The following BCAS3 variants were observed in gnomAD, a reference collection of about 807,000 sequenced individuals.
BCAS3 encodes the protein BCAS3 microtubule associated cell migration factor, also known as BCAS4/BCAS3 fusion.
Under a neutral mutation model 116.1 loss-of-function variants are expected in BCAS3, and 53 were observed. The observed-to-expected ratio is 0.46, with a 90% CI of 0.37 to 0.57. The LOEUF is 0.57. BCAS3 is among the 20% of genes least tolerant of loss of function. The pLI, the probability that BCAS3 is intolerant of heterozygous loss-of-function variation, is 0.00. For missense variants in BCAS3, 917 were observed against 1,165.4 expected (o/e 0.79, Z 3.10); for synonymous variants, 391 against 408.2 (o/e 0.96, Z 0.51).
intron 6 of BCAS3, among the ~76,000 whole-genome samples, chr17:60,805,080 C>T (rs2048149322): frequency 1.3e-5 from 2 of 151,394 alleles, no homozygotes; most frequent in South Asian, 4.2e-4. Flanking sequence ...CACACACTCA[C>T]ACAATTTTAA....
At chr17:61,330,157 G>A (rs186742870) in intron 22 of BCAS3, among the ~76,000 whole-genome samples, 1 of 152,188 alleles carries the variant, frequency 6.6e-6, no homozygotes, top group Non-Finnish European at 1.5e-5. Flanking sequence ...CTGAGAGAAG[G>A]GCTAAGAGTA....
At chr17:60,786,571 A>ATATATATATATATAT (rs34629256) in intron 6 of BCAS3, among the ~76,000 whole-genome samples, 7 of 149,648 alleles carry the variant, frequency 4.7e-5, no homozygotes, top group African/African-American at 1.7e-4. Context: ...ATATATATAT[A>ATATATATATATATAT]AAATGTGTCA....
At chr17:60,926,464 A>G (rs919453033) in intron 13 of BCAS3, among the ~76,000 whole-genome samples, 5 of 152,214 alleles carry the variant, frequency 3.3e-5, no homozygotes, top group African/African-American at 9.6e-5. Context: ...TAAATAATCT[A>G]CCCTCTAATA....
At chr17:61,312,971 A>G (rs2054440585) in intron 22 of BCAS3, among the ~76,000 whole-genome samples, 2 of 152,240 alleles carry the variant, frequency 1.3e-5, no homozygotes, top group Non-Finnish European at 2.9e-5. Context: ...TGTGTCTCCA[A>G]GCACTGCCAG....
intron 22 of BCAS3, among the ~76,000 whole-genome samples, chr17:61,314,393 G>A (rs765246129): frequency 4.6e-5 from 7 of 152,322 alleles, no homozygotes; most frequent in Non-Finnish European, 8.8e-5. Flanking sequence ...AAAGGGAACC[G>A]CAGAATCCCG....
intron 22 of BCAS3, among the ~76,000 whole-genome samples, chr17:61,209,199 C>A (rs1414091077): frequency 2.0e-5 from 3 of 146,628 alleles, no homozygotes; most frequent in African/African-American, 7.5e-5. Context: ...AAAAAAAAAT[C>A]TTGTTCTGAT....
intron 6 of BCAS3, among the ~76,000 whole-genome samples, chr17:60,777,595 C>T (rs1247532587): frequency 6.6e-6 from 1 of 152,042 alleles, no homozygotes; most frequent in East Asian, 1.9e-4. Flanking sequence ...CAGTGCACTC[C>T]AGCCTGGGTG....
chr17:61,024,142 T>C (rs1208333373), intron 16 of BCAS3, among the ~76,000 whole-genome samples: 1 of 152,196 alleles, frequency 6.6e-6, no homozygotes, highest in African/African-American at 2.4e-5. Context: ...TTTGTGACTT[T>C]ATATTTTCAT....
At chr17:61,174,921 GAAGTA>G (rs1331843101) in intron 22 of BCAS3, among the ~76,000 whole-genome samples, 1 of 152,168 alleles carries the variant, frequency 6.6e-6, no homozygotes, top group Non-Finnish European at 1.5e-5. Flanking sequence ...GGCCTCAGTG[GAAGTA>G]AAGTCTAATC....
At chr17:61,060,701 C>T (rs2069926402) in intron 19 of BCAS3, among the ~76,000 whole-genome samples, 2 of 152,162 alleles carry the variant, frequency 1.3e-5, no homozygotes, top group Admixed American at 6.5e-5. Flanking sequence ...ACATAGTACA[C>T]AGTTAGTTGT....
chr17:60,873,864 A>G (rs1354055728), intron 8 of BCAS3, among the ~76,000 whole-genome samples: 5 of 144,430 alleles, frequency 3.5e-5, no homozygotes, highest in Admixed American at 6.8e-5. Flanking sequence ...TATCTTCTCC[A>G]TTCTTTTTTT....
At chr17:60,889,523 A>G (rs970912663) in intron 9 of BCAS3, among the ~76,000 whole-genome samples, 172 bp from the exon 10 acceptor site, 1 of 152,220 alleles carries the variant, frequency 6.6e-6, no homozygotes, top group East Asian at 1.9e-4. Context: ...ATAGAGGGGG[A>G]AAAATGCACC....
At chr17:60,945,458 A>G (rs2060434856) in intron 13 of BCAS3, among the ~76,000 whole-genome samples, 1 of 152,232 alleles carries the variant, frequency 6.6e-6, no homozygotes, top group Non-Finnish European at 1.5e-5. Flanking sequence ...AGAATGTGGT[A>G]TTAGTGAATG....
chr17:60,957,437 A>G (rs2061191983), intron 14 of BCAS3, among the ~76,000 whole-genome samples: 3 of 152,092 alleles, frequency 2.0e-5, no homozygotes, highest in Admixed American at 6.6e-5. Context: ...GGCTTTCTGT[A>G]TTTATTTTTG....
chr17:61,202,133 AT>A (rs376323897), intron 22 of BCAS3, among the ~76,000 whole-genome samples: 152 of 82,672 alleles, frequency 1.8e-3, no homozygotes, highest in African/African-American at 5.1e-3. Context: ...AAAGGTGGTG[AT>A]TTTTTTTTTT....
chr17:60,703,801 C>G (rs1261092019), intron 4 of BCAS3, among the ~76,000 whole-genome samples: 1 of 151,456 alleles, frequency 6.6e-6, no homozygotes, highest in African/African-American at 2.4e-5. Flanking sequence ...GTAGTCCCAG[C>G]TACTCGGGAG....
intron 22 of BCAS3, among the ~76,000 whole-genome samples, chr17:61,342,711 A>G (rs1460519492): frequency 6.6e-6 from 1 of 151,816 alleles, no homozygotes; most frequent in Non-Finnish European, 1.5e-5. Context: ...GTAAAGGGCT[A>G]GAGGTTTCTA....
chr17:60,785,670 A>C (rs907599015), intron 6 of BCAS3, among the ~76,000 whole-genome samples: 1 of 152,254 alleles, frequency 6.6e-6, no homozygotes, highest in Admixed American at 6.5e-5. Flanking sequence ...AGGAATTTAC[A>C]TGAAGTATTG....
intron 22 of BCAS3, among the ~76,000 whole-genome samples, chr17:61,149,095 A>G (rs1465630033): frequency 6.6e-6 from 1 of 152,178 alleles, no homozygotes; most frequent in African/African-American, 2.4e-5. Context: ...AAGTTTCTCA[A>G]AGAGTGGCAA....
Sources: allele counts gnomAD v4.1 joint callset (sites outside exome capture counted in the v4.1 genomes callset), GRCh38; gene constraint gnomAD v4.1.1; transcripts MANE v1.5; gene names NCBI Gene and HGNC (gene_info 2026-07-23, HGNC 2026-07-21).